Variants in GSR observed in about 807,000 individuals in gnomAD.
GSR encodes glutathione-disulfide reductase.
GSR carries 48 observed loss-of-function variants against 56.5 expected under a neutral mutation model. The observed-to-expected ratio is 0.85, with a 90% CI of 0.67 to 1.08. The LOEUF is 1.08. GSR is among the 50% of genes least tolerant of loss of function. The pLI is 0.00. For missense variants in GSR, 694 were observed against 703.3 expected (o/e 0.99, Z 0.15); for synonymous variants, 264 against 270.8 (o/e 0.97, Z 0.25).
At chr8:30,681,854 A>C in intron 11 of GSR, 76 bp downstream of exon 11, 1 of 1,365,834 alleles carries the variant, frequency 7.3e-7, no homozygotes, top group Non-Finnish European at 1.0e-6. Context: ...ATCAGCTGAC[A>C]GAGACCTAAT....
At chr8:30,722,498 G>A (rs1000407713) in intron 1 of GSR, among the ~76,000 whole-genome samples, 2 of 152,182 alleles carry the variant, frequency 1.3e-5, no homozygotes, top group African/African-American at 4.8e-5. Flanking sequence ...GGCTAAGGTG[G>A]GAGGACTGCT....
chr8:30,727,742 C>A lies in GSR; in HGVS notation c.94G>T (p.Glu32Ter), dbSNP rs770133920. 133 of 1,397,634 alleles carry A rather than the reference C, an allele frequency of 9.5e-5. 1 individual carries two copies. In the South Asian group the frequency reaches 1.9e-3, roughly 20 times the overall value. The allele number at this position is 1,397,634 out of a possible 1,614,324, so 86.6% of individuals were successfully genotyped here. The change falls in exon 1 of 13, where the codon GAG becomes TAG. Residue 32 changes from glutamate to a stop codon, truncating the protein, a stop_gained. Transcript: ENST00000221130. LOFTEE classifies it high-confidence loss of function. ...AGGGCGCGCGTGAGGGCCGCGGGCT[C>A]GGGCAGAAGCAGCAGGAAGCCTCGG... is the stretch of plus-strand genomic sequence containing the variant. ...AFRGFLLLLP[E>*]PAALTRALSR...
chr8:30,680,114 G>A (rs1388528266), intron 12 of GSR, among the ~76,000 whole-genome samples: 4 of 152,128 alleles, frequency 2.6e-5, no homozygotes, highest in Non-Finnish European at 5.9e-5. Flanking sequence ...GACAAATAAT[G>A]TTTATCAACT....
chr8:30,709,534 G>T (rs1804034998), intron 3 of GSR, among the ~76,000 whole-genome samples: 1 of 152,156 alleles, frequency 6.6e-6, no homozygotes, highest in Admixed American at 6.6e-5. Context: ...GGTTCCCAGG[G>T]GCCAGGGGGA....
intron 1 of GSR, among the ~76,000 whole-genome samples, chr8:30,712,894 G>A (rs1382716069): frequency 1.3e-5 from 2 of 152,210 alleles, no homozygotes; most frequent in Admixed American, 6.5e-5. Flanking sequence ...AACCAAAGAT[G>A]TAGAAAAGCG....
intron 8 of GSR, among the ~76,000 whole-genome samples, chr8:30,690,903 A>G (rs1301146754): frequency 6.6e-6 from 1 of 152,142 alleles, no homozygotes; most frequent in Non-Finnish European, 1.5e-5. Context: ...CATGTCTACA[A>G]AAATTTTTTT....
chr8:30,684,302 C>A, intron 9 of GSR, 103 bp from the exon 10 acceptor site: 1 of 780,356 alleles, frequency 1.3e-6, no homozygotes. Flanking sequence ...GGAACTGCAG[C>A]CAGAATCTCC....
Position 30,727,582 on chromosome 8 carries a change from TCGG to T in GSR, c.251_253del (p.Ala84del). 1 of 1,531,308 alleles carries T rather than the reference TCGG, an allele frequency of 6.5e-7. No individual in the cohort carries two copies. Among genetic ancestry groups the T allele is most frequent in the Non-Finnish European group, 8.7e-7 (1 of 1,143,692 alleles). The allele number at this position is 1,531,308 out of a possible 1,614,324, so 94.9% of individuals were successfully genotyped here. ...CACCACGGCGGCCCTGGCACCCAGCTCGGCCGCCCTGCGCGCGCTGGCCAGCCC... is the reference window on the plus strand; with the variant it reads ...CACCACGGCGGCCCTGGCACCCAGCTCCGCCCTGCGCGCGCTGGCCAGCCC... On this transcript the variant is annotated inframe_deletion, in exon 1 of 13. Coordinates refer to ENST00000221130, the MANE Select transcript of GSR (RefSeq NM_000637.5).
chr8:30,718,525 C>T (rs138851882), intron 1 of GSR, among the ~76,000 whole-genome samples: 3 of 152,290 alleles, frequency 2.0e-5, no homozygotes, highest in African/African-American at 4.8e-5. Context: ...GCTCCCCACA[C>T]GCACACAAGG....
intron 7 of GSR, among the ~76,000 whole-genome samples, chr8:30,693,600 C>A (rs1463462407): frequency 6.6e-6 from 1 of 151,970 alleles, no homozygotes; most frequent in Non-Finnish European, 1.5e-5. Context: ...ACCATCTCAG[C>A]CCACTGCAAC....
intron 10 of GSR, among the ~76,000 whole-genome samples, chr8:30,683,438 G>A (rs1324841619): frequency 6.6e-6 from 1 of 152,128 alleles, no homozygotes; most frequent in Non-Finnish European, 1.5e-5. Context: ...TAGGAAGCGG[G>A]CTGAGGTGTG....
intron 1 of GSR, among the ~76,000 whole-genome samples, chr8:30,722,905 T>G (rs903462786): frequency 2.0e-5 from 3 of 152,210 alleles, no homozygotes; most frequent in Non-Finnish European, 4.4e-5. Flanking sequence ...TGCTGTTCAC[T>G]GATCTTTCAA....
At chr8:30,708,907 C>T (rs1259667034) in intron 3 of GSR, among the ~76,000 whole-genome samples, 3 of 143,422 alleles carry the variant, frequency 2.1e-5, no homozygotes, top group South Asian at 2.2e-4. Context: ...TGCAGTGAGC[C>T]GAGATCGCAC....
At chr8:30,694,292 G>A (rs768267545) in intron 7 of GSR, among the ~76,000 whole-genome samples, 12 of 152,192 alleles carry the variant, frequency 7.9e-5, no homozygotes, top group Non-Finnish European at 1.6e-4. Context: ...GCAGAACTAG[G>A]CCCCAAAGGC....
At chr8:30,705,882 C>T (rs1803903541) in intron 4 of GSR, among the ~76,000 whole-genome samples, 1 of 152,088 alleles carries the variant, frequency 6.6e-6, no homozygotes, top group Non-Finnish European at 1.5e-5. Flanking sequence ...GGAAAATTCA[C>T]CCTCCAAAAA....
At chr8:30,689,744 G>GTA (rs1319853103) in intron 8 of GSR, among the ~76,000 whole-genome samples, 35 of 49,206 alleles carry the variant, frequency 7.1e-4, no homozygotes, top group African/African-American at 2.5e-3. Flanking sequence ...ACGTGTGTGT[G>GTA]TGTATATATA....
rs183908981 is a variant in GSR at position 30,689,297 on chromosome 8, A to G, written c.905T>C (p.Leu302Ser). The G allele has an allele frequency of 1.9e-6, 3 of 1,614,156 alleles. No individual in the cohort carries two copies. The highest frequency in any genetic ancestry group is 4.5e-5 in the East Asian group (2 of 44,888). Reference sequence around the variant, plus strand: ...AACCATGCTGACTTCCAAGCCCGACAAAGTCTTTTTAACCTCCTTGACCTA... The same window carrying G: ...AACCATGCTGACTTCCAAGCCCGACGAAGTCTTTTTAACCTCCTTGACCTA... ...FSQVKEVKKTLSGLEVSMVTA... is the reference protein window; with the variant it reads ...FSQVKEVKKTSSGLEVSMVTA... Residue 302 changes from leucine to serine, a missense_variant, in exon 9 of 13, where the codon TTG (leucine) becomes TCG (serine). By Grantham distance (145) the Leu-to-Ser change is moderately radical. Transcript: ENST00000221130.
At chr8:30,726,783 C>G (rs1020665539) in intron 1 of GSR, 3 of 152,154 alleles carry the variant, frequency 2.0e-5, no homozygotes, top group East Asian at 3.9e-4. Context: ...AAACAAAAAC[C>G]CTTATTTTCA....
chr8:30,718,470 T>C (rs746921690), intron 1 of GSR, among the ~76,000 whole-genome samples: 1 of 152,232 alleles, frequency 6.6e-6, no homozygotes, highest in Non-Finnish European at 1.5e-5. Context: ...CTATGATAGA[T>C]GTGATGGTGA....
Sources: gnomAD v4.1 joint callset for allele counts (sites outside exome capture counted in the v4.1 genomes callset) on GRCh38, gnomAD v4.1.1 for gene constraint, MANE v1.5 for transcripts, NCBI Gene and HGNC (gene_info 2026-07-23, HGNC 2026-07-21) for gene names.